The following ADGRB3 variants were observed in gnomAD, a reference collection of about 807,000 sequenced individuals.
The protein encoded by ADGRB3 is adhesion G protein-coupled receptor B3, also known as brain-specific angiogenesis inhibitor 3.
ADGRB3 carries 37 observed loss-of-function variants against 193.4 expected under a neutral mutation model. The observed-to-expected ratio is 0.19, with a 90% CI of 0.15 to 0.25. The LOEUF is 0.25. ADGRB3 is among the 10% of genes least tolerant of loss of function. The probability of loss-of-function intolerance (pLI) is 1.00; values close to 1 mark genes in which losing one functional copy is unlikely to be tolerated. For missense variants in ADGRB3, 1,637 were observed against 1,852.9 expected (o/e 0.88, Z 2.14); for synonymous variants, 690 against 644.2 (o/e 1.07, Z -1.08).
At chr6:69,217,502 C>G (rs1164977870) in intron 17 of ADGRB3, among the ~76,000 whole-genome samples, 1 of 152,118 alleles carries the variant, frequency 6.6e-6, no homozygotes, top group Non-Finnish European at 1.5e-5. Context: ...CATAAATTAT[C>G]TATAGTTCAG....
chr6:69,013,296 A>G (rs1272875042), intron 11 of ADGRB3, among the ~76,000 whole-genome samples: 1 of 152,120 alleles, frequency 6.6e-6, no homozygotes, highest in East Asian at 1.9e-4. Context: ...ACCTTCCTGC[A>G]TGAAAGAAAA....
chr6:68,952,359 G>A (rs944918691), intron 6 of ADGRB3, among the ~76,000 whole-genome samples: 15 of 152,024 alleles, frequency 9.9e-5, no homozygotes, highest in African/African-American at 3.6e-4. Context: ...ATGTATGTGT[G>A]TGTATATATT....
intron 3 of ADGRB3, among the ~76,000 whole-genome samples, chr6:68,743,772 G>A (rs903832186): frequency 6.6e-6 from 1 of 151,988 alleles, no homozygotes; most frequent in African/African-American, 2.4e-5. Context: ...CTAAATAACA[G>A]AATTGTAGCA....
chr6:69,364,266 A>C (rs1008250599), intron 29 of ADGRB3, among the ~76,000 whole-genome samples: 2 of 152,086 alleles, frequency 1.3e-5, no homozygotes, highest in African/African-American at 4.8e-5. Context: ...GTTGTAGAAT[A>C]GAATTTGATA....
chr6:69,334,088 TC>T (rs1286168555), intron 24 of ADGRB3, among the ~76,000 whole-genome samples: 1 of 151,906 alleles, frequency 6.6e-6, no homozygotes, highest in East Asian at 1.9e-4. Context: ...GGTGACATCA[TC>T]CTTTATCATA....
intron 3 of ADGRB3, among the ~76,000 whole-genome samples, chr6:68,882,048 G>T (rs1285984518): frequency 1.3e-5 from 2 of 152,062 alleles, no homozygotes; most frequent in African/African-American, 4.8e-5. Flanking sequence ...TGATAAACTA[G>T]AGCCGTTAGC....
At chr6:69,274,376 A>C (rs571603996) in intron 20 of ADGRB3, among the ~76,000 whole-genome samples, 1 of 151,984 alleles carries the variant, frequency 6.6e-6, no homozygotes, top group African/African-American at 2.4e-5. Context: ...TTCATTACCG[A>C]AGCAGCGGAC....
intron 3 of ADGRB3, among the ~76,000 whole-genome samples, chr6:68,865,632 A>C (rs1289663632): frequency 1.3e-5 from 2 of 152,118 alleles, no homozygotes; most frequent in Non-Finnish European, 2.9e-5. Context: ...TCTGGTGGAC[A>C]GCTCTTTTGG....
intron 15 of ADGRB3, among the ~76,000 whole-genome samples, chr6:69,058,151 C>T (rs1033607706): frequency 1.3e-5 from 2 of 151,440 alleles, no homozygotes; most frequent in African/African-American, 4.8e-5. Flanking sequence ...TTTCTGCATG[C>T]TTCAGTCTTG....
intron 29 of ADGRB3, among the ~76,000 whole-genome samples, chr6:69,371,163 A>T (rs1279489469): frequency 6.6e-6 from 1 of 152,056 alleles, no homozygotes; most frequent in African/African-American, 2.4e-5. Context: ...TATTTCAGGA[A>T]TTTTTCACTT....
intron 17 of ADGRB3, among the ~76,000 whole-genome samples, chr6:69,216,612 G>C (rs1277592729): frequency 6.6e-6 from 1 of 152,180 alleles, no homozygotes; most frequent in African/African-American, 2.4e-5. Context: ...TATCTCCAGA[G>C]CAAAGCCATT....
chr6:68,951,541 G>A (rs1404699483), intron 6 of ADGRB3, among the ~76,000 whole-genome samples: 1 of 152,076 alleles, frequency 6.6e-6, no homozygotes, highest in Admixed American at 6.6e-5. Context: ...CCCCCGTGGC[G>A]CAGTTGAGCA....
At chr6:69,295,797 A>C (rs982167546) in intron 20 of ADGRB3, among the ~76,000 whole-genome samples, 1 of 152,188 alleles carries the variant, frequency 6.6e-6, no homozygotes, top group Non-Finnish European at 1.5e-5. Flanking sequence ...AGGAAAGTCA[A>C]TAACCTGCAA....
At chr6:69,173,669 T>C (rs1775349410) in intron 17 of ADGRB3, among the ~76,000 whole-genome samples, 2 of 152,102 alleles carry the variant, frequency 1.3e-5, no homozygotes, top group Non-Finnish European at 1.5e-5. Flanking sequence ...TTTTATCTTA[T>C]TGTAAGTCAT....
At chr6:69,313,450 A>G (rs1348008683) in intron 20 of ADGRB3, among the ~76,000 whole-genome samples, 1 of 151,892 alleles carries the variant, frequency 6.6e-6, no homozygotes, top group Non-Finnish European at 1.5e-5. Context: ...ATAGGAAAGC[A>G]TTATCCTCTT....
intron 30 of ADGRB3, among the ~76,000 whole-genome samples, chr6:69,379,583 G>A (rs898430069): frequency 6.6e-6 from 1 of 152,014 alleles, no homozygotes; most frequent in African/African-American, 2.4e-5. Flanking sequence ...AATGTTCACT[G>A]TGAAGCTGGC....
At chr6:68,847,336 T>C (rs1229523625) in intron 3 of ADGRB3, among the ~76,000 whole-genome samples, 1 of 152,066 alleles carries the variant, frequency 6.6e-6, no homozygotes. Context: ...GAAGGCATGA[T>C]TGGTTTTAAA....
At chr6:69,035,830 A>G (rs1166086175) in intron 13 of ADGRB3, among the ~76,000 whole-genome samples, 1 of 152,190 alleles carries the variant, frequency 6.6e-6, no homozygotes, top group Non-Finnish European at 1.5e-5. Flanking sequence ...GGATTCAAGA[A>G]GTGAGGACAT....
intron 3 of ADGRB3, among the ~76,000 whole-genome samples, chr6:68,788,522 G>A (rs1248031624): frequency 6.6e-6 from 1 of 152,190 alleles, no homozygotes; most frequent in Admixed American, 6.6e-5. Context: ...CTGAGAGACA[G>A]TTTGTTATAA....
Sources: gnomAD v4.1 joint callset for allele counts (sites outside exome capture counted in the v4.1 genomes callset) on GRCh38, gnomAD v4.1.1 for gene constraint, MANE v1.5 for transcripts, NCBI Gene and HGNC (gene_info 2026-07-23, HGNC 2026-07-21) for gene names.